The following GAS6 variants were observed in gnomAD, a reference collection of about 807,000 sequenced individuals.
GAS6 encodes the protein growth arrest specific 6, also known as growth arrest-specific protein 6.
GAS6 carries 41 observed loss-of-function variants against 75.8 expected under a neutral mutation model. That is an observed-to-expected ratio of 0.54 (90% CI 0.42 to 0.70). The LOEUF (loss-of-function observed/expected upper bound fraction) is 0.70, where lower values mean the gene tolerates loss of function less well. Among genes scored for constraint, GAS6 ranks in the 30% least tolerant of loss-of-function variants. The pLI is 0.00. For missense variants in GAS6, 854 were observed against 940.2 expected (o/e 0.91, Z 1.20); for synonymous variants, 432 against 412.6 (o/e 1.05, Z -0.57).
At chr13:113,857,158 A>T (rs1026796866) in intron 2 of GAS6, among the ~76,000 whole-genome samples, 2 of 152,196 alleles carry the variant, frequency 1.3e-5, no homozygotes, top group Admixed American at 6.5e-5. Context: ...GAAGGAAAAA[A>T]ATTTCACCTA....
At chr13:113,827,515 C>T (rs2051565719) in intron 11 of GAS6, among the ~76,000 whole-genome samples, 1 of 151,350 alleles carries the variant, frequency 6.6e-6, no homozygotes, top group African/African-American at 2.5e-5. Flanking sequence ...CAAATCAGGG[C>T]AACCCCCTTA....
intron 2 of GAS6, among the ~76,000 whole-genome samples, chr13:113,858,815 ATGTG>A (rs2051940191): frequency 7.0e-6 from 1 of 143,086 alleles, no homozygotes; most frequent in Non-Finnish European, 1.5e-5. Flanking sequence ...GTCTATGTGA[ATGTG>A]TGCATGTATG....
At chr13:113,861,669 C>T (rs1018003143) in intron 2 of GAS6, among the ~76,000 whole-genome samples, 18 of 152,106 alleles carry the variant, frequency 1.2e-4, no homozygotes, top group African/African-American at 4.1e-4. Flanking sequence ...GTGCTGGAGC[C>T]GGCTGGGACT....
At chr13:113,832,972 C>T (rs545668435) in intron 8 of GAS6, 23 of 1,437,968 alleles carry the variant, frequency 1.6e-5, no homozygotes, top group African/African-American at 1.1e-4. Flanking sequence ...CAGGGCTTCT[C>T]GGGGGTCCCC....
chr13:113,855,007 C>T (rs1413879844), intron 2 of GAS6, among the ~76,000 whole-genome samples: 1 of 152,226 alleles, frequency 6.6e-6, no homozygotes, highest in Non-Finnish European at 1.5e-5. Flanking sequence ...CTCGTGCCCG[C>T]AACAGCTGCC....
Position 113,860,360 on chromosome 13 carries a change from C to T in GAS6, c.255+3215G>A, listed in dbSNP as rs181242947. The stretch of plus-strand genomic sequence containing the variant: ...AGGAACCACAGCCTGGATGATTTTC[C>T]GGCAGGCAGGCCGGGGATCAAAGTG... On this transcript the variant is annotated intron_variant, in intron 2 of 14. Coordinates refer to ENST00000327773, the MANE Select transcript of GAS6 (RefSeq NM_000820.4). 3.1e-3 allele frequency among the ~76,000 whole-genome samples: 466 copies of T among 152,276 alleles called. 3 individuals carry two copies. Among genetic ancestry groups the T allele is most frequent in the Non-Finnish European group, 4.9e-3 (336 of 68,018 alleles).
chr13:113,822,479 A>G (rs1352201667), intron 13 of GAS6: 4 of 323,424 alleles, frequency 1.2e-5, no homozygotes, highest in Non-Finnish European at 2.3e-5. Context: ...GGCACCAGGC[A>G]CACACAAGAC....
In GAS6 at chr13:113,827,294, C is replaced by T. The variant is rs139803745; in HGVS notation, c.1309-130G>A. On this transcript the variant is annotated intron_variant, in intron 11 of 14. Transcript: ENST00000327773. Reference sequence around the variant, plus strand: ...TACGGCAGAAACGGGCCAGTCCCATCGGTGGTGGCCATTTCACAGAAGGTT... The same window carrying T: ...TACGGCAGAAACGGGCCAGTCCCATTGGTGGTGGCCATTTCACAGAAGGTT... 562 of 812,422 alleles carry T rather than the reference C, an allele frequency of 6.9e-4. 3 individuals are homozygous for T. In the African/African-American group the frequency reaches 8.5e-3, roughly 12 times the overall value. The allele number at this position is 812,422 out of a possible 1,614,324, so 50.3% of individuals were successfully genotyped here.
intron 12 of GAS6, among the ~76,000 whole-genome samples, chr13:113,826,655 GCCGGCCTC>G (rs2051550988): frequency 2.4e-5 from 1 of 42,494 alleles, no homozygotes; most frequent in African/African-American, 1.2e-4. Flanking sequence ...GCCTCCTGGC[GCCGGCCTC>G]GCAGGCACCT....
rs1371903645 is a variant in GAS6 at position 113,832,649 on chromosome 13, C to T, written c.938G>A (p.Arg313Lys). ...GTPVIRLRFK[R>K]LQPTRLVAEF... ...ACCTCCTCACCTGGTGGGCTGCAGC[C>T]TCTTGAAGCGCAGTCGGATCACGGG... is the stretch of plus-strand genomic sequence containing the variant. Residue 313 changes from arginine to lysine, a missense_variant, in exon 9 of 15, where the codon AGG becomes AAG. Coordinates refer to ENST00000327773, the MANE Select transcript of GAS6 (RefSeq NM_000820.4). The T allele has an allele frequency of 1.9e-5, 31 of 1,612,640 alleles. No homozygotes were observed. The highest frequency in any genetic ancestry group is 3.3e-5 in the Admixed American group (2 of 60,010).
rs1159572318 is a variant in GAS6, at chr13:113,820,991, G to A, written c.1910C>T (p.Thr637Ile). Residue 637 changes from threonine (T) to isoleucine (I), a missense_variant, in exon 15 of 15, where the codon ACC becomes ATC. Transcript: ENST00000327773. ...TGTCATGCAGCCGCGGTAGAACGCGGTGACTGGCGCTGAAGTCACCGGCAC... is the reference window on the plus strand; with the variant it reads ...TGTCATGCAGCCGCGGTAGAACGCGATGACTGGCGCTGAAGTCACCGGCAC... ...PDVPVTSAPV[T>I]AFYRGCMTLE... The A allele has an allele frequency of 6.2e-7, 1 of 1,612,674 alleles. No individual in the cohort carries two copies. Among genetic ancestry groups the A allele is most frequent in the South Asian group, 1.1e-5 (1 of 91,066 alleles).
chr13:113,835,160 T>TC (rs2051686352), intron 7 of GAS6, among the ~76,000 whole-genome samples: 1 of 152,170 alleles, frequency 6.6e-6, no homozygotes, highest in Non-Finnish European at 1.5e-5. Context: ...AACAGGGCCC[T>TC]CCCCATGGCG....
intron 4 of GAS6, 181 bp from the exon 5 acceptor site, chr13:113,840,031 G>A: frequency 1.2e-6 from 1 of 810,964 alleles, no homozygotes; most frequent in South Asian, 1.9e-5. Context: ...TGACAGAATA[G>A]GCTGGCGGGC....
In GAS6 at chr13:113,833,510, G is replaced by A. The variant is rs966968300; in HGVS notation, c.835-758C>T. 6 of 993,600 alleles carry A rather than the reference G, an allele frequency of 6.0e-6. No homozygotes were observed. In the South Asian group the frequency reaches 2.2e-4, roughly 37 times the overall value. The allele number at this position is 993,600 out of a possible 1,614,324, so 61.5% of individuals were successfully genotyped here. ...CCCCCAGGCACAGGCCCAGGCTGAA[G>A]AGGAAAGACAAGAGCCGCCCTGCCC... is the stretch of plus-strand genomic sequence containing the variant. On this transcript the variant is annotated intron_variant, in intron 8 of 14. Transcript: ENST00000327773.
chr13:113,860,307 A>T (rs2051961273), intron 2 of GAS6, among the ~76,000 whole-genome samples: 1 of 152,200 alleles, frequency 6.6e-6, no homozygotes, highest in South Asian at 2.1e-4. Flanking sequence ...TGTGCTTTGT[A>T]TCTCAGATAA....
At chr13:113,861,448 C>T (rs922409069) in intron 2 of GAS6, among the ~76,000 whole-genome samples, 1 of 152,228 alleles carries the variant, frequency 6.6e-6, no homozygotes, top group Non-Finnish European at 1.5e-5. Flanking sequence ...GGCCACAGCC[C>T]TTTTCCTCAA....
At chr13:113,860,720 G>A (rs1196085601) in intron 2 of GAS6, among the ~76,000 whole-genome samples, 5 of 152,152 alleles carry the variant, frequency 3.3e-5, no homozygotes, top group Admixed American at 3.3e-4. Flanking sequence ...GGAGGCATGT[G>A]GGGGTGGCCC....
intron 4 of GAS6, chr13:113,843,107 G>A (rs1373086963): frequency 5.6e-6 from 2 of 359,502 alleles, no homozygotes; most frequent in Non-Finnish European, 4.9e-6. Flanking sequence ...AACAGGGAAA[G>A]CGATGGAGAC....
intron 2 of GAS6, among the ~76,000 whole-genome samples, chr13:113,858,832 T>C (rs188610852): frequency 1.4e-5 from 2 of 147,564 alleles, no homozygotes; most frequent in African/African-American, 5.3e-5. Context: ...CATGTATGTG[T>C]ACATGTCTGT....
Sources: allele counts gnomAD v4.1 joint callset (sites outside exome capture counted in the v4.1 genomes callset), GRCh38; gene constraint gnomAD v4.1.1; transcripts MANE v1.5; gene names NCBI Gene and HGNC (gene_info 2026-07-23, HGNC 2026-07-21).